SORCS1: variants seen among roughly 807,000 people sequenced by gnomAD.
The protein encoded by SORCS1 is VPS10 domain-containing receptor SorCS1.
In SORCS1, 60 loss-of-function variants were observed where a neutral mutation model predicts 146.1. The ratio of observed to expected loss-of-function variants is 0.41; its 90% CI spans 0.33 to 0.51. SORCS1 has a LOEUF of 0.51. SORCS1 is among the 20% of genes least tolerant of loss of function. The pLI is 0.21. For synonymous variants in SORCS1, 637 were observed against 584.0 expected, an observed-to-expected ratio of 1.09 and a Z score of -1.31; for missense variants, 1,352 against 1,487.6, an observed-to-expected ratio of 0.91 and a Z score of 1.50.
intron 18 of SORCS1, among the ~76,000 whole-genome samples, chr10:106,643,438 A>G (rs1159435660): frequency 6.6e-6 from 1 of 152,250 alleles, no homozygotes; most frequent in Non-Finnish European, 1.5e-5. Context: ...TCATAGAGAA[A>G]TTGAGGGTCT....
At chr10:106,850,422 C>A (rs1222715551) in intron 2 of SORCS1, among the ~76,000 whole-genome samples, 1 of 152,146 alleles carries the variant, frequency 6.6e-6, no homozygotes, top group African/African-American at 2.4e-5. Flanking sequence ...CCAGGTGAGG[C>A]AATGCCTCGC....
intron 2 of SORCS1, among the ~76,000 whole-genome samples, chr10:106,862,786 A>T: frequency 6.7e-6 from 1 of 149,082 alleles, no homozygotes; most frequent in African/African-American, 2.4e-5. Flanking sequence ...TCTACAAAAA[A>T]AAAAAAAAAA....
intron 1 of SORCS1, among the ~76,000 whole-genome samples, chr10:107,037,889 C>T (rs770603293): frequency 1.6e-4 from 25 of 152,184 alleles, no homozygotes; most frequent in Non-Finnish European, 2.8e-4. Flanking sequence ...TGTAGTGGTG[C>T]GATCTTGGCT....
In SORCS1 at chr10:106,679,309, C is replaced by T; in HGVS notation, c.1687G>A (p.Asp563Asn). ...GAGACAAACATGCTGATGTCAGTGT[C>T]TGACAATTCAGAACCTATATTACCT... ...ASGNIGSELS[D>N]TDISMFVSSD... Residue 563 changes from aspartate to asparagine, a missense_variant, in exon 12 of 26, where the codon GAC becomes AAC. Asp to Asn is a conservative substitution (Grantham distance 23). Transcript: ENST00000263054. The T allele has an allele frequency of 2.5e-6, 4 of 1,613,342 alleles. No individual in the cohort carries two copies. The highest frequency in any genetic ancestry group is 2.7e-5 in the African/African-American group (2 of 75,026).
At chr10:106,895,128 T>A (rs1951416771) in intron 2 of SORCS1, among the ~76,000 whole-genome samples, 2 of 152,190 alleles carry the variant, frequency 1.3e-5, no homozygotes, top group Non-Finnish European at 1.5e-5. Flanking sequence ...TTAGATGATT[T>A]CCTGCTCACC....
At chr10:106,598,044 C>G (rs1000534439) in intron 23 of SORCS1, among the ~76,000 whole-genome samples, 2 of 151,992 alleles carry the variant, frequency 1.3e-5, no homozygotes, top group African/African-American at 4.8e-5. Context: ...CCATGGAATT[C>G]TGGACTATGA....
At chr10:106,585,432 C>A (rs1029961539) in intron 24 of SORCS1, among the ~76,000 whole-genome samples, 2 of 152,094 alleles carry the variant, frequency 1.3e-5, no homozygotes, top group Non-Finnish European at 2.9e-5. Flanking sequence ...AAAAATACCC[C>A]CCTACACACA....
rs577755549 is a variant in SORCS1, at chr10:106,863,067, TC to T, written c.627-33395del. ...GATAATATTTCTTTAGAAGTTGATTTCCCCCCAAACAAACAAACAAAACAGA... is the reference window on the plus strand; with the variant it reads ...GATAATATTTCTTTAGAAGTTGATTTCCCCCAAACAAACAAACAAAACAGA... On this transcript the variant is annotated intron_variant, in intron 2 of 25. Coordinates refer to ENST00000263054, the MANE Select transcript of SORCS1 (RefSeq NM_052918.5). Among the ~76,000 whole-genome samples, 36 of 151,964 alleles carry T rather than the reference TC, an allele frequency of 2.4e-4. No homozygotes were observed. The South Asian group carries it at 7.3e-3, about 31-fold the overall frequency.
chr10:107,028,604 CA>C (rs1958509519), intron 1 of SORCS1, among the ~76,000 whole-genome samples: 1 of 152,172 alleles, frequency 6.6e-6, no homozygotes, highest in African/African-American at 2.4e-5. Flanking sequence ...GAGAGATTAG[CA>C]ATATTTGGTT....
At chr10:106,837,055 C>T (rs558873907) in intron 2 of SORCS1, among the ~76,000 whole-genome samples, 1 of 152,314 alleles carries the variant, frequency 6.6e-6, no homozygotes, top group South Asian at 2.1e-4. Context: ...AAACTAGATT[C>T]CTATTCAGCT....
intron 1 of SORCS1, among the ~76,000 whole-genome samples, chr10:106,963,587 T>C (rs1471999284): frequency 2.0e-5 from 3 of 152,010 alleles, no homozygotes; most frequent in Admixed American, 2.0e-4. Flanking sequence ...GACCCAAGAA[T>C]CCTTTAAGAA....
Position 106,607,126 on chromosome 10 carries a change from C to T in SORCS1, c.3165+40G>A, listed in dbSNP as rs767210870. ...CTTAGAAAGTTGAAGACTCCACAAA[C>T]GGTTGAAGCTGAAAACGTCTCCTTT... On this transcript the variant is annotated intron_variant, in intron 23 of 25. Transcript: ENST00000263054. 80 of 1,607,046 alleles carry T rather than the reference C, an allele frequency of 5.0e-5. 1 individual carries two copies. The South Asian group carries it at 5.8e-4, about 12-fold the overall frequency.
intron 2 of SORCS1, among the ~76,000 whole-genome samples, chr10:106,873,456 T>C (rs957741511): frequency 2.0e-5 from 3 of 152,178 alleles, no homozygotes; most frequent in Non-Finnish European, 4.4e-5. Flanking sequence ...TGAAACCAGG[T>C]ATCATTTTCA....
At chr10:106,734,258 T>A (rs1856800168) in intron 5 of SORCS1, among the ~76,000 whole-genome samples, 1 of 152,192 alleles carries the variant, frequency 6.6e-6, no homozygotes, top group Admixed American at 6.5e-5. Context: ...TCTGTGTACA[T>A]CCTGGTGTCT....
intron 3 of SORCS1, among the ~76,000 whole-genome samples, chr10:106,801,211 T>A (rs947586035): frequency 1.3e-5 from 2 of 152,174 alleles, no homozygotes; most frequent in Admixed American, 1.3e-4. Flanking sequence ...ATTAAATATG[T>A]GCTATTCATA....
At chr10:107,073,611 C>G (rs143299452) in intron 1 of SORCS1, among the ~76,000 whole-genome samples, 2 of 152,272 alleles carry the variant, frequency 1.3e-5, no homozygotes, top group African/African-American at 4.8e-5. Context: ...GTCTTAGTAT[C>G]CCTATTTTAC....
chr10:106,764,978 G>A (rs1185074660), intron 4 of SORCS1, among the ~76,000 whole-genome samples: 10 of 140,676 alleles, frequency 7.1e-5, no homozygotes, highest in East Asian at 4.2e-4. Context: ...AGCCGAGATC[G>A]CGCCACTGCA....
intron 19 of SORCS1, among the ~76,000 whole-genome samples, chr10:106,622,058 G>A (rs1450781390): frequency 3.9e-5 from 6 of 152,054 alleles, no homozygotes; most frequent in South Asian, 2.1e-4. Flanking sequence ...TTTGGAGGCC[G>A]AGTTGGGTGG....
intron 1 of SORCS1, among the ~76,000 whole-genome samples, chr10:107,126,871 T>G (rs532166157): frequency 7.2e-5 from 11 of 152,216 alleles, no homozygotes; most frequent in African/African-American, 2.6e-4. Context: ...CTAAAAGATA[T>G]GTTAGGAACT....
Sources: gnomAD v4.1 joint callset for allele counts (sites outside exome capture counted in the v4.1 genomes callset) on GRCh38, gnomAD v4.1.1 for gene constraint, MANE v1.5 for transcripts, NCBI Gene and HGNC (gene_info 2026-07-23, HGNC 2026-07-21) for gene names.